TRPM3: variants seen among roughly 807,000 people sequenced by gnomAD.
The protein encoded by TRPM3 is long transient receptor potential channel 3.
Under a neutral mutation model 181.2 loss-of-function variants are expected in TRPM3, and 77 were observed. That is an observed-to-expected ratio of 0.42 (90% CI 0.35 to 0.51). The LOEUF (loss-of-function observed/expected upper bound fraction) is 0.51. TRPM3 is among the 20% of genes least tolerant of loss of function. The probability of loss-of-function intolerance (pLI) is 0.01; values close to 1 mark genes in which losing one functional copy is unlikely to be tolerated. For synonymous variants in TRPM3, 745 were observed against 796.4 expected (o/e 0.94, Z 1.09); for missense variants, 1,759 against 2,196.7 (o/e 0.80, Z 3.98).
intron 19 of TRPM3, among the ~76,000 whole-genome samples, chr9:70,604,692 G>GT (rs2060680379): frequency 6.6e-6 from 1 of 152,208 alleles, no homozygotes; most frequent in African/African-American, 2.4e-5. Context: ...CACCCAGGCT[G>GT]GAGTGCAGTG....
chr9:70,810,227 A>G (rs1293551726), intron 6 of TRPM3: 1 of 356,340 alleles, frequency 2.8e-6, no homozygotes, highest in Non-Finnish European at 5.6e-6. Flanking sequence ...CTATGGGTAC[A>G]TGATCAGGAG....
chr9:71,141,314 T>C (rs1299067511), intron 1 of TRPM3, among the ~76,000 whole-genome samples: 1 of 152,126 alleles, frequency 6.6e-6, no homozygotes, highest in Non-Finnish European at 1.5e-5. Context: ...TATTCCTACG[T>C]GATTTACACA....
chr9:71,062,575 CA>C (rs1425028681), intron 1 of TRPM3, among the ~76,000 whole-genome samples: 1 of 152,070 alleles, frequency 6.6e-6, no homozygotes, highest in East Asian at 1.9e-4. Context: ...TTTCTTTGAG[CA>C]AATGCAAATT....
At chr9:70,655,545 T>C (rs1158236188) in intron 9 of TRPM3, among the ~76,000 whole-genome samples, 1 of 152,160 alleles carries the variant, frequency 6.6e-6, no homozygotes, top group Non-Finnish European at 1.5e-5. Context: ...AATTTGTATT[T>C]ATCTCATGGC....
intron 1 of TRPM3, among the ~76,000 whole-genome samples, chr9:71,035,629 A>C (rs373950367): frequency 6.6e-6 from 1 of 152,288 alleles, no homozygotes; most frequent in East Asian, 1.9e-4. Flanking sequence ...AGGCATGAGA[A>C]TCTCTTGAAC....
intron 1 of TRPM3, among the ~76,000 whole-genome samples, chr9:71,180,950 G>A (rs188544223): frequency 2.0e-5 from 3 of 152,186 alleles, no homozygotes; most frequent in Admixed American, 6.5e-5. Flanking sequence ...CGTAGGAGAA[G>A]TACGTTGCTA....
chr9:70,606,410 G>GT (rs1202653634), intron 19 of TRPM3, among the ~76,000 whole-genome samples: 1 of 151,844 alleles, frequency 6.6e-6, no homozygotes, highest in African/African-American at 2.4e-5. Flanking sequence ...GCCCCTGCCT[G>GT]TTTTTTACAT....
intron 8 of TRPM3, among the ~76,000 whole-genome samples, chr9:70,741,241 C>A (rs962304847): frequency 6.6e-6 from 1 of 152,096 alleles, no homozygotes; most frequent in African/African-American, 2.4e-5. Context: ...AAGGGAAATG[C>A]AAATCAAAAC....
At chr9:71,039,867 G>C (rs2058631557) in intron 1 of TRPM3, among the ~76,000 whole-genome samples, 1 of 151,982 alleles carries the variant, frequency 6.6e-6, no homozygotes. Flanking sequence ...TCCTGTATCT[G>C]GGCCATAATA....
At chr9:70,903,965 G>A (rs1441624865) in intron 1 of TRPM3, among the ~76,000 whole-genome samples, 2 of 152,016 alleles carry the variant, frequency 1.3e-5, no homozygotes, top group African/African-American at 2.4e-5. Flanking sequence ...AAAAAATACT[G>A]TAATTCCATC....
At chr9:71,009,060 T>C (rs528199379) in intron 1 of TRPM3, among the ~76,000 whole-genome samples, 23 of 152,342 alleles carry the variant, frequency 1.5e-4, no homozygotes, top group African/African-American at 5.3e-4. Flanking sequence ...AAACTGAGTA[T>C]AGAAGGAACA....
intron 1 of TRPM3, among the ~76,000 whole-genome samples, chr9:71,112,428 G>A (rs1384020598): frequency 2.0e-5 from 3 of 152,074 alleles, no homozygotes; most frequent in Non-Finnish European, 4.4e-5. Flanking sequence ...CGAAATATTG[G>A]TTTAACTCCC....
chr9:71,003,560 T>C (rs747560520), intron 1 of TRPM3, among the ~76,000 whole-genome samples: 2 of 152,158 alleles, frequency 1.3e-5, no homozygotes, highest in Admixed American at 6.5e-5. Context: ...ATCAGCAATG[T>C]AGGAGAGTGG....
chr9:70,793,905 A>G (rs560152840), intron 6 of TRPM3, among the ~76,000 whole-genome samples: 241 of 152,228 alleles, frequency 1.6e-3, no homozygotes, highest in African/African-American at 5.5e-3. Context: ...GATTGTACCC[A>G]TGTGTTGGCT....
chr9:70,749,542 A>G (rs987678276), intron 8 of TRPM3, among the ~76,000 whole-genome samples: 13 of 152,176 alleles, frequency 8.5e-5, no homozygotes, highest in African/African-American at 3.1e-4. Flanking sequence ...TTTGGAAACT[A>G]TAGGGCAGAG....
At chr9:71,115,944 T>C (rs1237645731) in intron 1 of TRPM3, among the ~76,000 whole-genome samples, 1 of 152,206 alleles carries the variant, frequency 6.6e-6, no homozygotes, top group Non-Finnish European at 1.5e-5. Context: ...CCAGACCATT[T>C]TCCCTCTCTG....
At chr9:71,320,145 A>G (rs981326020) in intron 1 of TRPM3, among the ~76,000 whole-genome samples, 34 of 152,006 alleles carry the variant, frequency 2.2e-4, no homozygotes, top group African/African-American at 7.5e-4. Flanking sequence ...TGTGAAAGGT[A>G]TATTAAAAAG....
intron 1 of TRPM3, among the ~76,000 whole-genome samples, chr9:70,942,667 A>C (rs939268746): frequency 6.6e-6 from 1 of 152,194 alleles, no homozygotes; most frequent in Non-Finnish European, 1.5e-5. Context: ...CAAGTTCAGA[A>C]GCAAAGACTT....
chr9:71,340,196 T>C (rs985012876), intron 1 of TRPM3, among the ~76,000 whole-genome samples: 2 of 152,162 alleles, frequency 1.3e-5, no homozygotes, highest in African/African-American at 4.8e-5. Context: ...AGATTTAGCA[T>C]TGCCAGAGAA....
Sources: allele counts gnomAD v4.1 joint callset (sites outside exome capture counted in the v4.1 genomes callset), GRCh38; gene constraint gnomAD v4.1.1; transcripts MANE v1.5; gene names NCBI Gene and HGNC (gene_info 2026-07-23, HGNC 2026-07-21).